Variants in DGLUCY observed in about 807,000 individuals in gnomAD.
The protein encoded by DGLUCY is D-glutamate cyclase, mitochondrial.
Under a neutral mutation model 58.5 loss-of-function variants are expected in DGLUCY, and 58 were observed. The observed-to-expected ratio is 0.99, with a 90% CI of 0.80 to 1.23. The LOEUF is 1.23. Among genes scored for constraint, DGLUCY ranks in the 50% most tolerant of loss-of-function variants. The pLI, the probability that DGLUCY is intolerant of heterozygous loss-of-function variation, is 0.00. For synonymous variants in DGLUCY, 325 were observed against 314.1 expected, an observed-to-expected ratio of 1.03 and a Z score of -0.37; for missense variants, 779 against 784.7, an observed-to-expected ratio of 0.99 and a Z score of 0.09.
intron 1 of DGLUCY, among the ~76,000 whole-genome samples, chr14:91,079,439 C>T (rs969561164): frequency 2.6e-5 from 4 of 151,722 alleles, no homozygotes; most frequent in African/African-American, 7.3e-5. Flanking sequence ...CTGCAACCTC[C>T]GCCTCCCAGG....
At chr14:91,135,605 G>A (rs949054532) in intron 1 of DGLUCY, among the ~76,000 whole-genome samples, 9 of 146,558 alleles carry the variant, frequency 6.1e-5, no homozygotes, top group African/African-American at 1.0e-4. Context: ...AGCCGAGATC[G>A]AGCCACTGCA....
chr14:91,090,103 A>C (rs886226955), intron 1 of DGLUCY, among the ~76,000 whole-genome samples: 2 of 152,204 alleles, frequency 1.3e-5, no homozygotes, highest in Non-Finnish European at 2.9e-5. Context: ...TGGCGGCTGC[A>C]GAAACACCTG....
intron 10 of DGLUCY, among the ~76,000 whole-genome samples, chr14:91,199,518 G>A (rs2050422449): frequency 6.6e-6 from 1 of 152,042 alleles, no homozygotes; most frequent in African/African-American, 2.4e-5. Flanking sequence ...CTCCCAAACT[G>A]CTGGGATTAT....
At chr14:91,141,605 G>A (rs1163407726) in intron 1 of DGLUCY, among the ~76,000 whole-genome samples, 1 of 147,806 alleles carries the variant, frequency 6.8e-6, no homozygotes, top group African/African-American at 2.5e-5. Context: ...AGGCTGGAGT[G>A]CAATGGCGCA....
chr14:91,170,288 G>T (rs911103547), intron 5 of DGLUCY, 87 bp downstream of exon 5: 2 of 1,408,994 alleles, frequency 1.4e-6, no homozygotes, highest in African/African-American at 1.4e-5. Flanking sequence ...GAGAACATGG[G>T]CACGGGAGGT....
chr14:91,099,447 T>G lies in DGLUCY; in HGVS notation c.-82+38743T>G, dbSNP rs139984847. Among the ~76,000 whole-genome samples, 41 of 151,666 alleles carry G rather than the reference T, an allele frequency of 2.7e-4. 1 individual carries two copies. In the East Asian group the frequency reaches 7.8e-3, roughly 29 times the overall value. On this transcript the variant is annotated intron_variant, in intron 1 of 4. Transcript: ENST00000521334. ...ACTGGAGAGGCCGAAGTGGGAGGAT[T>G]GTTTGAGCCCAGAAGGTTGAGGCTG...
At chr14:91,189,552 G>A (rs1016845602) in intron 9 of DGLUCY, among the ~76,000 whole-genome samples, 11 of 152,328 alleles carry the variant, frequency 7.2e-5, no homozygotes, top group Admixed American at 6.5e-5. Context: ...TCAGACAGCA[G>A]TCCCACCTGG....
intron 1 of DGLUCY, among the ~76,000 whole-genome samples, chr14:91,084,147 G>C (rs2044172232): frequency 6.6e-6 from 1 of 151,518 alleles, no homozygotes; most frequent in African/African-American, 2.4e-5. Context: ...GCTCCTGGAT[G>C]CCCCCCATCT....
intron 7 of DGLUCY, 149 bp downstream of exon 7, chr14:91,176,205 C>G (rs1288715403): frequency 1.0e-6 from 1 of 981,588 alleles, no homozygotes; most frequent in Non-Finnish European, 1.4e-6. Context: ...TACAGTGAAT[C>G]TCTCTCTGGT....
intron 1 of DGLUCY, among the ~76,000 whole-genome samples, chr14:91,065,498 G>T (rs11159989): frequency 0.35 from 52,825 of 151,878 alleles, 9,568 homozygotes; most frequent in African/African-American, 0.45. Context: ...CTGGGATACT[G>T]AAAAATAACA....
At chr14:91,153,654 ACCTCAGCTGTT>A (rs1203345853) in intron 1 of DGLUCY, among the ~76,000 whole-genome samples, 3 of 151,942 alleles carry the variant, frequency 2.0e-5, no homozygotes, top group African/African-American at 7.3e-5. Context: ...CACGGGAACA[ACCTCAGCTGTT>A]CCCCATGGTG....
At chr14:91,211,476 C>G (rs1454880023) in intron 12 of DGLUCY, among the ~76,000 whole-genome samples, 1 of 152,152 alleles carries the variant, frequency 6.6e-6, no homozygotes, top group Non-Finnish European at 1.5e-5. Flanking sequence ...GGTGAAAGAA[C>G]AGATAAATAG....
chr14:91,151,594 A>G (rs1269115744), intron 1 of DGLUCY, among the ~76,000 whole-genome samples: 1 of 151,170 alleles, frequency 6.6e-6, no homozygotes, highest in Non-Finnish European at 1.5e-5. Flanking sequence ...CATTTCAAGA[A>G]TGGTACTAAA....
At chr14:91,090,635 A>G (rs2044295948) in intron 1 of DGLUCY, among the ~76,000 whole-genome samples, 1 of 152,166 alleles carries the variant, frequency 6.6e-6, no homozygotes, top group Non-Finnish European at 1.5e-5. Flanking sequence ...TGATGTCAGG[A>G]AAGTCCACTG....
intron 9 of DGLUCY, among the ~76,000 whole-genome samples, chr14:91,194,344 C>T (rs2050080664): frequency 6.6e-6 from 1 of 152,174 alleles, no homozygotes; most frequent in African/African-American, 2.4e-5. Flanking sequence ...GATTGGCAGG[C>T]TGCCCCTCAC....
At position 91,199,626 on chromosome 14, in the gene DGLUCY, C is replaced by T. The variant is rs564090671; in HGVS notation, c.1296-131C>T. The T allele has an allele frequency of 7.3e-5, 78 of 1,074,620 alleles. No homozygotes were observed. The Admixed American group carries it at 7.7e-4, about 11-fold the overall frequency. The allele number at this position is 1,074,620 out of a possible 1,614,324, so 66.6% of individuals were successfully genotyped here. On this transcript the variant is annotated intron_variant, in intron 10 of 13. Coordinates refer to ENST00000256324, the MANE Select transcript of DGLUCY (RefSeq NM_001102368.3). ...TCCTGGCCCAGAGTAGATGTGCCAC[C>T]AAGTTCTGCAGGAATGAAGGAATCA...
intron 1 of DGLUCY, among the ~76,000 whole-genome samples, chr14:91,061,863 G>C (rs2043697432): frequency 6.6e-6 from 1 of 152,160 alleles, no homozygotes; most frequent in Non-Finnish European, 1.5e-5. Flanking sequence ...AGATAGCAGG[G>C]CAGGAATCCT....
chr14:91,104,061 C>CTTTTTTTTTTTTTCT (rs2044540178), upstream of DGLUCY, among the ~76,000 whole-genome samples: 1 of 9,494 alleles, frequency 1.1e-4, no homozygotes, highest in Non-Finnish European at 2.1e-4. Context: ...TGAAAACATT[C>CTTTTTTTTTTTTTCT]TTTTTTTTTT....
chr14:91,098,895 G>A (rs747198599), intron 1 of DGLUCY, among the ~76,000 whole-genome samples: 8 of 152,238 alleles, frequency 5.3e-5, no homozygotes, highest in Admixed American at 1.3e-4. Context: ...GCAAGTAATA[G>A]GCTCCTATAA....
Sources: gnomAD v4.1 joint callset for allele counts (sites outside exome capture counted in the v4.1 genomes callset) on GRCh38, gnomAD v4.1.1 for gene constraint, MANE v1.5 for transcripts, NCBI Gene and HGNC (gene_info 2026-07-23, HGNC 2026-07-21) for gene names.